FOXN3: variants seen among roughly 807,000 people sequenced by gnomAD.
FOXN3 encodes forkhead box N3, also known as forkhead box protein N3.
Under a neutral mutation model 38.4 loss-of-function variants are expected in FOXN3, and 7 were observed. The ratio of observed to expected loss-of-function variants is 0.18; its 90% CI spans 0.10 to 0.34. The LOEUF is 0.34. Ranked by LOEUF, FOXN3 falls within the 10% of genes least tolerant of loss-of-function variation. FOXN3 has a pLI of 1.00. For missense variants in FOXN3, 456 were observed against 613.4 expected, an observed-to-expected ratio of 0.74 and a Z score of 2.71; for synonymous variants, 230 against 242.2, an observed-to-expected ratio of 0.95 and a Z score of 0.47.
At chr14:89,311,637 T>C (rs563229073) in intron 3 of FOXN3, among the ~76,000 whole-genome samples, 81 of 150,232 alleles carry the variant, frequency 5.4e-4, no homozygotes, top group African/African-American at 1.9e-3. Context: ...CCATCCTGGC[T>C]AACCGGATGA....
At chr14:89,302,168 G>A (rs747843111) in intron 3 of FOXN3, among the ~76,000 whole-genome samples, 3 of 152,196 alleles carry the variant, frequency 2.0e-5, no homozygotes, top group East Asian at 1.9e-4. Context: ...ATACCCATTC[G>A]ATGCTTCGAG....
chr14:89,230,401 G>A (rs149548245), intron 4 of FOXN3, among the ~76,000 whole-genome samples: 208 of 152,292 alleles, frequency 1.4e-3, no homozygotes, highest in African/African-American at 4.5e-3. Context: ...GCCAGGCTGT[G>A]TGAAATGGAA....
At chr14:89,606,340 T>C (rs1896275139) in intron 1 of FOXN3, among the ~76,000 whole-genome samples, 1 of 151,942 alleles carries the variant, frequency 6.6e-6, no homozygotes, top group Non-Finnish European at 1.5e-5. Context: ...GTATACATAA[T>C]TCTAGTCTTA....
chr14:89,275,235 G>C (rs2139909470), intron 4 of FOXN3, among the ~76,000 whole-genome samples: 1 of 152,246 alleles, frequency 6.6e-6, no homozygotes, highest in Admixed American at 6.5e-5. Flanking sequence ...TTTGGGGATG[G>C]GTATCTTCAG....
chr14:89,401,547 C>T lies in FOXN3; in HGVS notation c.543+10387G>A, dbSNP rs1049046197. 9 of 455,436 alleles carry T rather than the reference C, an allele frequency of 2.0e-5. 1 individual carries two copies. The Middle Eastern group carries it at 1.3e-3, about 66-fold the overall frequency. 28.2% of individuals were successfully genotyped at this position (455,436 alleles called of 1,614,324 possible). A position where few individuals can be genotyped will look rare whatever the true frequency, so the allele number is the denominator to read the frequency against. On this transcript the variant is annotated intron_variant, in intron 2 of 5. Coordinates refer to ENST00000557258, the MANE Select transcript of FOXN3 (RefSeq NM_005197.4). ...CACACAGTGCGGTATTCCAGGAGTA[C>T]CTACTGTGATGCTATGCCTTACCTC...
chr14:89,464,852 C>G (rs1450064812), intron 1 of FOXN3, among the ~76,000 whole-genome samples: 1 of 152,124 alleles, frequency 6.6e-6, no homozygotes, highest in African/African-American at 2.4e-5. Context: ...TGCCCACCAC[C>G]ACGCCCGGCT....
intron 2 of FOXN3, among the ~76,000 whole-genome samples, chr14:89,382,311 T>C (rs1251695618): frequency 6.6e-6 from 1 of 152,068 alleles, no homozygotes; most frequent in African/African-American, 2.4e-5. Context: ...TACTTCATTA[T>C]ACTTCAAATC....
chr14:89,252,367 G>A (rs1335109795), intron 4 of FOXN3, among the ~76,000 whole-genome samples: 1 of 152,128 alleles, frequency 6.6e-6, no homozygotes, highest in Non-Finnish European at 1.5e-5. Context: ...TAAAAATCAG[G>A]AAATTGGCTG....
rs1480132771 is a variant in FOXN3 at position 89,581,620 on chromosome 14, G to A, written c.-15+37408C>T. 2.6e-5 allele frequency among the ~76,000 whole-genome samples: 4 copies of A among 152,166 alleles called. 1 individual carries two copies. In the South Asian group the frequency reaches 6.2e-4, roughly 24 times the overall value. On this transcript the variant is annotated intron_variant, in intron 1 of 6. Transcript: ENST00000345097. ...CCCTCAAAACCAAGTGGGACCACAGGAGTGCTTGACTGTGGCTCCCAGGGC... is the reference window on the plus strand; with the variant it reads ...CCCTCAAAACCAAGTGGGACCACAGAAGTGCTTGACTGTGGCTCCCAGGGC...
At chr14:89,303,913 G>A (rs1887296216) in intron 3 of FOXN3, among the ~76,000 whole-genome samples, 2 of 152,240 alleles carry the variant, frequency 1.3e-5, no homozygotes, top group Admixed American at 1.3e-4. Context: ...AGGTGATGGG[G>A]GACAAGACGC....
intron 3 of FOXN3, among the ~76,000 whole-genome samples, chr14:89,285,034 T>C (rs1182631858): frequency 6.6e-6 from 1 of 152,198 alleles, no homozygotes; most frequent in African/African-American, 2.4e-5. Flanking sequence ...TGATCCATCA[T>C]GTGTTCTCTA....
intron 2 of FOXN3, among the ~76,000 whole-genome samples, chr14:89,366,202 G>A (rs914669104): frequency 3.3e-5 from 5 of 151,216 alleles, no homozygotes; most frequent in Non-Finnish European, 5.9e-5. Flanking sequence ...GCAGTGAGCC[G>A]AGATTGCACC....
At chr14:89,508,820 C>G (rs1330933400) in intron 1 of FOXN3, among the ~76,000 whole-genome samples, 1 of 152,220 alleles carries the variant, frequency 6.6e-6, no homozygotes, top group African/African-American at 2.4e-5. Flanking sequence ...GCCAGTGCTG[C>G]TGGCCCTGGG....
chr14:89,374,262 TC>T (rs1405090574), intron 2 of FOXN3, among the ~76,000 whole-genome samples: 1 of 1,944 alleles, frequency 5.1e-4, no homozygotes, highest in Non-Finnish European at 1.4e-3. Flanking sequence ...AGACCTTGTC[TC>T]AAAAAAAAAA....
intron 1 of FOXN3, among the ~76,000 whole-genome samples, chr14:89,426,679 C>T (rs1892038041): frequency 6.6e-6 from 1 of 152,216 alleles, no homozygotes; most frequent in African/African-American, 2.4e-5. Context: ...AAAATATTCA[C>T]TCATTTCAGC....
intron 4 of FOXN3, among the ~76,000 whole-genome samples, chr14:89,204,716 G>C (rs1440126585): frequency 1.3e-5 from 2 of 152,120 alleles, no homozygotes; most frequent in Non-Finnish European, 2.9e-5. Context: ...CAATGAGAAG[G>C]CTATGATAAT....
intron 1 of FOXN3, among the ~76,000 whole-genome samples, chr14:89,606,153 T>G (rs570515199): frequency 1.3e-5 from 2 of 152,178 alleles, no homozygotes; most frequent in South Asian, 4.2e-4. Context: ...AAAACCGAGA[T>G]GAAGTCAATA....
At chr14:89,488,518 T>C (rs1893499837) in intron 1 of FOXN3, among the ~76,000 whole-genome samples, 1 of 150,920 alleles carries the variant, frequency 6.6e-6, no homozygotes, top group South Asian at 2.1e-4. Context: ...ATAGGTGTGG[T>C]GGTACACGCC....
At chr14:89,505,893 T>A (rs1221306258) in intron 1 of FOXN3, among the ~76,000 whole-genome samples, 1 of 145,638 alleles carries the variant, frequency 6.9e-6, no homozygotes, top group African/African-American at 2.6e-5. Context: ...TGCCGCCCCG[T>A]CTGGGATGTG....
Sources: allele counts gnomAD v4.1 joint callset (sites outside exome capture counted in the v4.1 genomes callset), GRCh38; gene constraint gnomAD v4.1.1; transcripts MANE v1.5; gene names NCBI Gene and HGNC (gene_info 2026-07-23, HGNC 2026-07-21).